Variants in PCNX4 observed in about 807,000 individuals in gnomAD.
The protein encoded by PCNX4 is pecanex-like protein 4.
In PCNX4, 103 loss-of-function variants were observed where a neutral mutation model predicts 107.2. That is an observed-to-expected ratio of 0.96 (90% CI 0.82 to 1.13). PCNX4 has a LOEUF of 1.13. PCNX4 is among the 50% of genes most tolerant of loss of function. The pLI is 0.00. For synonymous variants in PCNX4, 541 were observed against 481.7 expected (o/e 1.12, Z -1.61); for missense variants, 1,528 against 1,379.4 (o/e 1.11, Z -1.71).
rs1486149844 is a variant in PCNX4, at chr14:60,124,798, A to G, written c.2627A>G (p.Tyr876Cys). 1.5e-5 allele frequency: 24 copies of G among 1,613,484 alleles called. No individual in the cohort carries two copies. The highest frequency in any genetic ancestry group is 1.9e-5 in the Non-Finnish European group (23 of 1,179,786). ...STGTVPENDL[Y>C]KAVLLGYPAV... ...GGCACTGTTCCTGAAAACGATCTTT[A>G]CAAAGCAGTTCTATTAGGATACCCT... The change falls in exon 9 of 11, where the codon TAC becomes TGC. Residue 876 changes from tyrosine (Y) to cysteine (C), a missense_variant. Transcript: ENST00000406854.
intron 10 of PCNX4, among the ~76,000 whole-genome samples, chr14:60,130,403 A>G (rs1896133774): frequency 6.6e-6 from 1 of 152,080 alleles, no homozygotes; most frequent in Non-Finnish European, 1.5e-5. Context: ...ACCCTTTCAT[A>G]GTAAAAACAA....
At chr14:60,092,622 C>G (rs1359189464) in intron 1 of PCNX4, among the ~76,000 whole-genome samples, 1 of 152,190 alleles carries the variant, frequency 6.6e-6, no homozygotes, top group Non-Finnish European at 1.5e-5. Context: ...TTTTAACTTT[C>G]CTTTGAAAGA....
At chr14:60,126,436 C>A (rs1278608343) in intron 10 of PCNX4, among the ~76,000 whole-genome samples, 2 of 151,952 alleles carry the variant, frequency 1.3e-5, no homozygotes, top group Admixed American at 6.6e-5. Context: ...GATGAAAATT[C>A]TTTTTTTTAA....
Position 60,114,890 on chromosome 14 carries a change from T to G in PCNX4, c.869+11T>G. Reference sequence around the variant, plus strand: ...GTCAACCCACTTACGGTATTTATTTTTAAATATTGATGTTATATGTAATAT... The same window carrying G: ...GTCAACCCACTTACGGTATTTATTTGTAAATATTGATGTTATATGTAATAT... On this transcript the variant is annotated intron_variant, in intron 3 of 10. Coordinates refer to ENST00000406854, the MANE Select transcript of PCNX4 (RefSeq NM_001330177.2). 6.3e-7 allele frequency: 1 copy of G among 1,589,232 alleles called. No homozygotes were observed. The highest frequency in any genetic ancestry group is 1.2e-5 in the South Asian group (1 of 85,722).
At position 60,124,317 on chromosome 14, in the gene PCNX4, T is replaced by G; in HGVS notation, c.2146T>G (p.Ser716Ala). 1.2e-6 allele frequency: 2 copies of G among 1,611,906 alleles called. No individual in the cohort carries two copies. Among genetic ancestry groups the G allele is most frequent in the Non-Finnish European group, 1.7e-6 (2 of 1,178,764 alleles). The change falls in exon 9 of 11, where the codon TCC (serine) becomes GCC (alanine). Residue 716 changes from serine (S) to alanine (A), a missense_variant. Ser to Ala is a moderately conservative substitution (Grantham distance 99). Coordinates refer to ENST00000406854, the MANE Select transcript of PCNX4 (RefSeq NM_001330177.2). ...TGAGCAAGAATACACAAGAGTATGT[T>G]CCCTTAATGAACACTTTGGAAATGT... ...AFEQEYTRVC[S>A]LNEHFGNVLT...
chr14:60,144,911 G>T lies in PCNX4; in HGVS notation c.*10690G>T. On this transcript the variant is annotated 3_prime_UTR_variant, in exon 11 of 11. Transcript: ENST00000406854. ...TATTCAGAAGCATAAGAAGATTGCT[G>T]TTTTCATGTTTTCCATTTCTCCCTC... 1.4e-6 allele frequency: 2 copies of T among 1,422,342 alleles called. No individual in the cohort carries two copies. The highest frequency in any genetic ancestry group is 1.4e-5 in the African/African-American group (1 of 69,528). 88.1% of individuals were successfully genotyped at this position (1,422,342 alleles called of 1,614,324 possible). A position where few individuals can be genotyped will look rare whatever the true frequency, so the allele number is the denominator to read the frequency against.
At chr14:60,105,420 T>C (rs1375540602) in intron 1 of PCNX4, among the ~76,000 whole-genome samples, 1 of 152,248 alleles carries the variant, frequency 6.6e-6, no homozygotes, top group Non-Finnish European at 1.5e-5. Flanking sequence ...TTTGGTAATT[T>C]GAAGAGATGT....
At chr14:60,120,497 T>C (rs939594357) in intron 7 of PCNX4, among the ~76,000 whole-genome samples, 1 of 152,120 alleles carries the variant, frequency 6.6e-6, no homozygotes, top group African/African-American at 2.4e-5. Context: ...AGGATAGTAG[T>C]TGGTTCTGGT....
chr14:60,122,410 A>G (rs1331973104), intron 8 of PCNX4, among the ~76,000 whole-genome samples: 1 of 151,896 alleles, frequency 6.6e-6, no homozygotes, highest in African/African-American at 2.4e-5. Flanking sequence ...CTCTCACTCT[A>G]TTCCAGCCTC....
At position 60,144,699 on chromosome 14, in the gene PCNX4, GTTAAC is replaced by G. The variant is rs1431194482; in HGVS notation, c.*10482_*10486del. The stretch of plus-strand genomic sequence containing the variant: ...AGCACAAATGGACTAAGACAAATCT[GTTAAC>G]TTAGATTTTAAGCATATGTGCTAAA... On this transcript the variant is annotated 3_prime_UTR_variant, in exon 11 of 11. Transcript: ENST00000406854. 5.9e-6 allele frequency: 2 copies of G among 336,650 alleles called. No individual in the cohort carries two copies. The highest frequency in any genetic ancestry group is 1.1e-5 in the Non-Finnish European group (2 of 187,860). The allele number at this position is 336,650 out of a possible 1,614,324, so 20.9% of individuals were successfully genotyped here. A position where few individuals can be genotyped will look rare whatever the true frequency, so the allele number is the denominator to read the frequency against.
Position 60,115,180 on chromosome 14 carries a change from A to C in PCNX4, c.1076A>C (p.Tyr359Ser). 1.2e-6 allele frequency: 2 copies of C among 1,613,500 alleles called. No individual in the cohort carries two copies. The highest frequency in any genetic ancestry group is 1.7e-6 in the Non-Finnish European group (2 of 1,179,472). Residue 359 changes from tyrosine (Y) to serine (S), a missense_variant, in exon 4 of 11, where the codon TAC (tyrosine) becomes TCC (serine). By Grantham distance (144) the Tyr-to-Ser change is moderately radical. Transcript: ENST00000406854. ...TTTTCATGGAAGGAATGCCTTTTCT[A>C]CATCATTATATTAGTCTTGGCTCTT... ...KHFSWKECLF[Y>S]IIILVLALLE... is the part of the protein sequence containing the mutation.
At position 60,139,109 on chromosome 14, in the gene PCNX4, A is replaced by G. The variant is rs1233876761; in HGVS notation, c.*4888A>G. On this transcript the variant is annotated 3_prime_UTR_variant, in exon 11 of 11. Transcript: ENST00000406854. ...ACAAATAGAAATCAAACAGTAGATT[A>G]GGAGGTTTAAATATCAGTTACAACA... The G allele has an allele frequency of 1.3e-5, 2 of 152,162 alleles. No homozygotes were observed. The highest frequency in any genetic ancestry group is 2.9e-5 in the Non-Finnish European group (2 of 67,976). The allele number at this position is 152,162 out of a possible 1,614,324, so 9.4% of individuals were successfully genotyped here.
At position 60,131,771 on chromosome 14, in the gene PCNX4, G is replaced by A. The variant is rs79891035; in HGVS notation, c.3268-2199G>A. On this transcript the variant is annotated intron_variant, in intron 10 of 10. Coordinates refer to ENST00000406854, the MANE Select transcript of PCNX4 (RefSeq NM_001330177.2). ...ACAATCTTGAAAAAGAAAATTGGCC[G>A]ACTCATACTTCCAAGTTTCAAAACT... is the stretch of plus-strand genomic sequence containing the variant. Among the ~76,000 whole-genome samples the A allele has an allele frequency of 7.1e-3, 1,080 of 152,180 alleles. 9 individuals carry two copies. Among genetic ancestry groups the A allele is most frequent in the African/African-American group, 0.024 (1,014 of 41,518 alleles).
chr14:60,134,395 G>A lies in PCNX4; in HGVS notation c.*174G>A. ...GCCATCTTAATGGTTCTAAAAAACA[G>A]CAAAAACATCTTTATGTCTAAGATA... On this transcript the variant is annotated 3_prime_UTR_variant, in exon 11 of 11. Transcript: ENST00000406854. 1 of 708,990 alleles carries A rather than the reference G, an allele frequency of 1.4e-6. No homozygotes were observed. The allele number at this position is 708,990 out of a possible 1,614,324, so 43.9% of individuals were successfully genotyped here.
At chr14:60,100,623 C>A (rs945246629) in intron 1 of PCNX4, among the ~76,000 whole-genome samples, 11 of 152,150 alleles carry the variant, frequency 7.2e-5, no homozygotes, top group Non-Finnish European at 1.3e-4. Flanking sequence ...AAACCATATT[C>A]ATGAAACAAT....
chr14:60,126,921 CA>C (rs953082312), intron 10 of PCNX4, among the ~76,000 whole-genome samples: 6 of 152,118 alleles, frequency 3.9e-5, no homozygotes, highest in African/African-American at 1.2e-4. Flanking sequence ...TTCCCTCCAC[CA>C]AATGCTTATC....
intron 10 of PCNX4, among the ~76,000 whole-genome samples, chr14:60,133,080 CTATCCCTA>C (rs2140570176): frequency 6.6e-6 from 1 of 152,304 alleles, no homozygotes; most frequent in South Asian, 2.1e-4. Context: ...CCTAGCAGTT[CTATCCCTA>C]AGTATGTATA....
At chr14:60,093,442 G>A (rs1895351184) in intron 1 of PCNX4, among the ~76,000 whole-genome samples, 2 of 151,970 alleles carry the variant, frequency 1.3e-5, no homozygotes, top group African/African-American at 2.4e-5. Context: ...ATTTCACATA[G>A]ACGGGAAAAT....
intron 1 of PCNX4, among the ~76,000 whole-genome samples, chr14:60,101,330 A>G (rs1183866008): frequency 1.3e-5 from 2 of 152,220 alleles, no homozygotes; most frequent in East Asian, 3.8e-4. Flanking sequence ...GTGGTCACTC[A>G]TATTTGGCTC....
Sources: allele counts gnomAD v4.1 joint callset (sites outside exome capture counted in the v4.1 genomes callset), GRCh38; gene constraint gnomAD v4.1.1; transcripts MANE v1.5; gene names NCBI Gene and HGNC (gene_info 2026-07-23, HGNC 2026-07-21).